The following TRIM71 variants were observed in gnomAD, a reference collection of about 807,000 sequenced individuals.
TRIM71 encodes the protein tripartite motif containing 71.
In TRIM71, 9 loss-of-function variants were observed where a neutral mutation model predicts 61.2. That is an observed-to-expected ratio of 0.15 (90% CI 0.09 to 0.26). The LOEUF (loss-of-function observed/expected upper bound fraction) is 0.26, where lower values mean the gene tolerates loss of function less well. Among genes scored for constraint, TRIM71 ranks in the 10% least tolerant of loss-of-function variants. TRIM71 has a pLI of 1.00. For synonymous variants in TRIM71, 645 were observed against 553.2 expected (o/e 1.17, Z -2.33); for missense variants, 998 against 1,238.7 (o/e 0.81, Z 2.92).
intron 1 of TRIM71, among the ~76,000 whole-genome samples, chr3:32,819,355 T>G (rs921459698): frequency 6.6e-6 from 1 of 152,178 alleles, no homozygotes; most frequent in African/African-American, 2.4e-5. Context: ...TTTGGAAAAC[T>G]CATAGATTGT....
intron 1 of TRIM71, among the ~76,000 whole-genome samples, chr3:32,860,877 T>A (rs528750460): frequency 1.3e-5 from 2 of 152,238 alleles, no homozygotes; most frequent in East Asian, 1.9e-4. Flanking sequence ...AAAGGGTTTT[T>A]AAAAATAAAT....
In TRIM71 at chr3:32,890,536, G is replaced by A. The variant is rs749991973; in HGVS notation, c.1332G>A (p.Leu444=). Reference sequence around the variant, plus strand: ...GGATGCTGGCCCAGGTGCAGGAGCTGAAGACCGTGCGGAGCCTCCTGCAGC... The same window carrying A: ...GGATGCTGGCCCAGGTGCAGGAGCTAAAGACCGTGCGGAGCCTCCTGCAGC... The part of the protein sequence containing the change: ...RDRMLAQVQE[L]KTVRSLLQPQ... Residue 444 remains leucine (L), a synonymous_variant, in exon 4 of 4, where the codon CTG becomes CTA. Coordinates refer to ENST00000383763, the MANE Select transcript of TRIM71 (RefSeq NM_001039111.3). This position sits in a 1 kb window ranked among gnomAD's most constrained non-coding sequence, Gnocchi z 6.2. The A allele has an allele frequency of 6.2e-7, 1 of 1,614,086 alleles. No individual in the cohort carries two copies. The highest frequency in any genetic ancestry group is 2.2e-5 in the East Asian group (1 of 44,888).
In TRIM71 at chr3:32,891,517, C is replaced by T; in HGVS notation, c.2313C>T (p.Leu771=). ...LVVTDFNNHR[L]LVIHPDCQSA... ...TCACTGACTTCAACAACCACCGGCT[C>T]CTGGTTATTCACCCCGACTGCCAGT... The change falls in exon 4 of 4, where the codon CTC becomes CTT. Residue 771 remains leucine (L), a synonymous_variant. Coordinates refer to ENST00000383763, the MANE Select transcript of TRIM71 (RefSeq NM_001039111.3). This position sits in a 1 kb window ranked among gnomAD's most constrained non-coding sequence, Gnocchi z 8.2. 3 of 1,613,540 alleles carry T rather than the reference C, an allele frequency of 1.9e-6. No individual in the cohort carries two copies. Among genetic ancestry groups the T allele is most frequent in the African/African-American group, 1.3e-5 (1 of 75,040 alleles).
intron 1 of TRIM71, among the ~76,000 whole-genome samples, chr3:32,836,045 T>C (rs1696330591): frequency 6.6e-6 from 1 of 152,254 alleles, no homozygotes; most frequent in Admixed American, 6.5e-5. Flanking sequence ...TTTATTTGGC[T>C]GTTGCCAGCA....
chr3:32,863,044 C>CA (rs1255102953), intron 1 of TRIM71, among the ~76,000 whole-genome samples: 1 of 152,106 alleles, frequency 6.6e-6, no homozygotes, highest in Non-Finnish European at 1.5e-5. Context: ...GGAGTTAACT[C>CA]ATTTATGGGC....
Position 32,818,861 on chromosome 3 carries a change from C to CCCGGCCCGCCCTTCT in TRIM71, c.784_798dup (p.Gly262_Ser266dup). On this transcript the variant is annotated inframe_insertion, in exon 1 of 4. Coordinates refer to ENST00000383763, the MANE Select transcript of TRIM71 (RefSeq NM_001039111.3). The stretch of plus-strand genomic sequence containing the variant: ...GCAGCTCGGGCTCGGGCCGCCCTTT[C>CCCGGCCCGCCCTTCT]CCGGCCCGCCCTTCTCCATCCTCTC... 1 of 1,612,382 alleles carries CCCGGCCCGCCCTTCT rather than the reference C, an allele frequency of 6.2e-7. No individual in the cohort carries two copies. Among genetic ancestry groups the CCCGGCCCGCCCTTCT allele is most frequent in the Non-Finnish European group, 8.5e-7 (1 of 1,179,760 alleles).
intron 1 of TRIM71, among the ~76,000 whole-genome samples, chr3:32,840,544 A>G (rs983880143): frequency 6.6e-6 from 1 of 152,124 alleles, no homozygotes; most frequent in African/African-American, 2.4e-5. Flanking sequence ...ATAAGGTCCA[A>G]TTGTAATCTG....
chr3:32,836,812 C>T (rs751507212), intron 1 of TRIM71, among the ~76,000 whole-genome samples: 3 of 152,110 alleles, frequency 2.0e-5, no homozygotes, highest in African/African-American at 7.2e-5. Flanking sequence ...GTTCATGCTT[C>T]GTGGCCATAT....
chr3:32,832,413 C>T (rs111487005), intron 1 of TRIM71, among the ~76,000 whole-genome samples: 6 of 152,132 alleles, frequency 3.9e-5, no homozygotes, highest in Non-Finnish European at 8.8e-5. Flanking sequence ...GGCTGCAGTG[C>T]GCTATGATCA....
intron 1 of TRIM71, among the ~76,000 whole-genome samples, chr3:32,851,408 AGACTTAGC>A (rs1486844319): frequency 6.6e-6 from 1 of 152,202 alleles, no homozygotes; most frequent in Admixed American, 6.5e-5. Flanking sequence ...AGTTCTTTGA[AGACTTAGC>A]GTTGTCCTCC....
intron 1 of TRIM71, among the ~76,000 whole-genome samples, chr3:32,834,782 C>G (rs1457803700): frequency 6.6e-6 from 1 of 152,040 alleles, no homozygotes; most frequent in Non-Finnish European, 1.5e-5. Flanking sequence ...GTGGAGGTTG[C>G]AGTGAGCCGA....
intron 2 of TRIM71, among the ~76,000 whole-genome samples, chr3:32,885,026 C>G (rs1696945131): frequency 6.6e-6 from 1 of 152,016 alleles, no homozygotes; most frequent in South Asian, 2.1e-4. Context: ...CTGGTTTGCC[C>G]CGGACTGTCC....
intron 1 of TRIM71, among the ~76,000 whole-genome samples, chr3:32,835,715 A>G (rs1262394272): frequency 6.6e-6 from 1 of 152,012 alleles, no homozygotes; most frequent in Non-Finnish European, 1.5e-5. Context: ...TTTCTTGGGG[A>G]TATCTTTTAT....
rs1046162711 is a variant in TRIM71 at position 32,893,018 on chromosome 3, T to C, written c.*1207T>C. On this transcript the variant is annotated 3_prime_UTR_variant, in exon 4 of 4. Coordinates refer to ENST00000383763, the MANE Select transcript of TRIM71 (RefSeq NM_001039111.3). ...GAAGAGTAGGCAAAGGAAAGAACTT[T>C]TATTTTACAAGCACAATTTTTTCCT... 7.2e-5 allele frequency: 11 copies of C among 152,210 alleles called. No individual in the cohort carries two copies. Among genetic ancestry groups the C allele is most frequent in the African/African-American group, 2.7e-4 (11 of 41,430 alleles). The allele number at this position is 152,210 out of a possible 1,614,324, so 9.4% of individuals were successfully genotyped here.
intron 1 of TRIM71, among the ~76,000 whole-genome samples, chr3:32,838,521 C>CT (rs1282801592): frequency 1.6e-4 from 13 of 79,500 alleles, no homozygotes; most frequent in Admixed American, 1.1e-3. Flanking sequence ...CTGCACCTGG[C>CT]CTTTTTTTTT....
At chr3:32,888,532 TTTGTTG>T (rs374711623) in intron 3 of TRIM71, among the ~76,000 whole-genome samples, 18 of 149,798 alleles carry the variant, frequency 1.2e-4, no homozygotes, top group Admixed American at 5.3e-4. Flanking sequence ...CCTTTTGCGG[TTTGTTG>T]TTGTTGTTGT....
chr3:32,833,204 AAAAAAAAAG>A, intron 1 of TRIM71, among the ~76,000 whole-genome samples: 1 of 150,514 alleles, frequency 6.6e-6, no homozygotes, highest in South Asian at 2.1e-4. Context: ...AAAAAAAAAA[AAAAAAAAAG>A]AGGCAGCTGT....
chr3:32,841,102 G>A (rs557349294), intron 1 of TRIM71, among the ~76,000 whole-genome samples: 362 of 152,120 alleles, frequency 2.4e-3, no homozygotes, highest in African/African-American at 8.4e-3. Context: ...AAAATTAGCC[G>A]GGCGTGGTGG....
intron 1 of TRIM71, among the ~76,000 whole-genome samples, chr3:32,845,736 CAG>C (rs1333856882): frequency 1.0e-4 from 15 of 148,948 alleles, no homozygotes; most frequent in East Asian, 3.9e-4. Flanking sequence ...TTTTTTGAAA[CAG>C]AGTCTCTCTG....
Sources: allele counts gnomAD v4.1 joint callset (sites outside exome capture counted in the v4.1 genomes callset), GRCh38; gene constraint gnomAD v4.1.1; non-coding constraint Gnocchi (gnomAD v3.1); transcripts MANE v1.5; gene names NCBI Gene and HGNC (gene_info 2026-07-23, HGNC 2026-07-21).